Variants in LARGE1 observed in about 807,000 individuals in gnomAD.
The protein encoded by LARGE1 is LARGE xylosyl- and glucuronyltransferase 1.
Under a neutral mutation model 87.6 loss-of-function variants are expected in LARGE1, and 43 were observed. That is an observed-to-expected ratio of 0.49 (90% confidence interval 0.38 to 0.63). The LOEUF (loss-of-function observed/expected upper bound fraction) is 0.63, where lower values mean the gene tolerates loss of function less well. Among genes scored for constraint, LARGE1 ranks in the 30% least tolerant of loss-of-function variants. The pLI is 0.00. For synonymous variants in LARGE1, 434 were observed against 394.6 expected (o/e 1.10, Z -1.18); for missense variants, 802 against 1,000.2 (o/e 0.80, Z 2.67).
intron 1 of LARGE1, among the ~76,000 whole-genome samples, chr22:33,863,553 C>T (rs1411885483): frequency 1.3e-5 from 2 of 150,024 alleles, no homozygotes; most frequent in East Asian, 3.9e-4. Context: ...GTCAGGAGTT[C>T]GAGACCAGCC....
At chr22:33,197,372 T>G (rs11913737) in intron 11 of LARGE1, among the ~76,000 whole-genome samples, 4,589 of 152,096 alleles carry the variant, frequency 0.03, 95 homozygotes, top group Admixed American at 0.056. Flanking sequence ...ACAGAAAATG[T>G]GATTGTTTAT....
At chr22:33,129,883 C>T in the LARGE1 span, among the ~76,000 whole-genome samples, 1 of 152,148 alleles carries the variant, frequency 6.6e-6, no homozygotes, top group Non-Finnish European at 1.5e-5. Flanking sequence ...ACCTTTGACA[C>T]GTGGGGATTA....
chr22:33,501,613 T>C (rs953762147), intron 6 of LARGE1, among the ~76,000 whole-genome samples: 12 of 152,238 alleles, frequency 7.9e-5, no homozygotes, highest in Non-Finnish European at 1.5e-5. Context: ...CAAGTCGTTC[T>C]TAATCTCAAC....
chr22:33,573,310 G>T (rs2078259901), intron 5 of LARGE1, among the ~76,000 whole-genome samples: 1 of 151,900 alleles, frequency 6.6e-6, no homozygotes, highest in South Asian at 2.1e-4. Context: ...GTGGTGGTGT[G>T]CGCATGTAAT....
intron 1 of LARGE1, among the ~76,000 whole-genome samples, chr22:33,808,861 T>C (rs559991663): frequency 6.6e-5 from 10 of 152,164 alleles, no homozygotes; most frequent in Non-Finnish European, 1.3e-4. Context: ...GGGCACAAGC[T>C]CTTAACACTG....
chr22:33,886,698 G>A (rs1390090366), intron 1 of LARGE1, among the ~76,000 whole-genome samples: 2 of 148,960 alleles, frequency 1.3e-5, no homozygotes, highest in Non-Finnish European at 3.0e-5. Context: ...AGGGAGGGAG[G>A]GAAGGAGGGA....
intron 11 of LARGE1, among the ~76,000 whole-genome samples, chr22:33,304,856 A>T (rs963004483): frequency 6.6e-6 from 1 of 152,198 alleles, no homozygotes; most frequent in African/African-American, 2.4e-5. Flanking sequence ...AAAGGTATAA[A>T]AAAGCTCTGC....
chr22:33,295,363 C>A (rs139502559), intron 12 of LARGE1, among the ~76,000 whole-genome samples: 1 of 152,266 alleles, frequency 6.6e-6, no homozygotes, highest in African/African-American at 2.4e-5. Flanking sequence ...TGTGTACATG[C>A]GTGTGGGTGC....
intron 2 of LARGE1, among the ~76,000 whole-genome samples, chr22:33,758,554 A>G (rs1159613947): frequency 6.6e-6 from 1 of 152,198 alleles, no homozygotes; most frequent in African/African-American, 2.4e-5. Context: ...TGATAGATAC[A>G]GCACCTACAC....
chr22:33,711,715 T>C (rs1046728111), intron 2 of LARGE1, among the ~76,000 whole-genome samples: 3 of 152,228 alleles, frequency 2.0e-5, no homozygotes, highest in Non-Finnish European at 2.9e-5. Context: ...GGTGTGATCA[T>C]AGCTCACTGC....
intron 2 of LARGE1, among the ~76,000 whole-genome samples, chr22:33,744,773 A>C (rs547411946): frequency 3.3e-5 from 5 of 152,170 alleles, no homozygotes; most frequent in Non-Finnish European, 7.3e-5. Flanking sequence ...ATTGTCATAG[A>C]AAGGAGGGAG....
chr22:33,333,546 G>GC (rs1177730177), intron 10 of LARGE1, among the ~76,000 whole-genome samples: 1 of 152,132 alleles, frequency 6.6e-6, no homozygotes, highest in African/African-American at 2.4e-5. Context: ...TGAACTTCCA[G>GC]CATGTTCTCT....
At chr22:33,566,698 A>G (rs954709888) in intron 5 of LARGE1, among the ~76,000 whole-genome samples, 2 of 152,162 alleles carry the variant, frequency 1.3e-5, no homozygotes, top group Non-Finnish European at 2.9e-5. Flanking sequence ...CTCCCTGCCC[A>G]CATCCTGCTG....
rs576929347 is a variant in LARGE1, at chr22:33,337,047, T to A, written c.1287+599A>T. Among the ~76,000 whole-genome samples, 19 of 135,562 alleles carry A rather than the reference T, an allele frequency of 1.4e-4. No homozygotes were observed. In the South Asian group the frequency reaches 4.4e-3, roughly 32 times the overall value. The allele number at this position is 135,562 out of a possible 152,430, so 88.9% of individuals were successfully genotyped here. ...CTGCACTCCAGCCTGGGTGACAGAG[T>A]GAAACTCTGTCAAAAAAAAAAAAAA... On this transcript the variant is annotated intron_variant, in intron 10 of 14. Coordinates refer to ENST00000397394, the MANE Select transcript of LARGE1 (RefSeq NM_133642.5).
At chr22:33,506,163 T>C (rs947132355) in intron 6 of LARGE1, among the ~76,000 whole-genome samples, 15 of 151,982 alleles carry the variant, frequency 9.9e-5, no homozygotes, top group African/African-American at 3.6e-4. Flanking sequence ...AACCTTCCCC[T>C]CAAAGGATGC....
chr22:33,247,047 ATGTGTGTGTGTGTGTGTGTG>A (rs10532057), intron 11 of LARGE1, among the ~76,000 whole-genome samples: 2 of 146,172 alleles, frequency 1.4e-5, no homozygotes, highest in African/African-American at 5.0e-5. Flanking sequence ...TGCAGCCAGT[ATGTGTGTGTGTGTGTGTGTG>A]TGTGTGTGTG....
At chr22:33,213,206 T>TG (rs1925045798) in intron 11 of LARGE1, among the ~76,000 whole-genome samples, 1 of 152,120 alleles carries the variant, frequency 6.6e-6, no homozygotes, top group Non-Finnish European at 1.5e-5. Flanking sequence ...TGTGAAGAGA[T>TG]GGAGTTGCTG....
At chr22:33,305,844 CTT>C (rs111657762) in intron 11 of LARGE1, among the ~76,000 whole-genome samples, 12 of 136,868 alleles carry the variant, frequency 8.8e-5, no homozygotes, top group Admixed American at 7.4e-5. Context: ...TTTTCTTTTT[CTT>C]TTTTTTTTTT....
intron 6 of LARGE1, among the ~76,000 whole-genome samples, chr22:33,453,802 G>A (rs2068031114): frequency 6.6e-6 from 1 of 152,126 alleles, no homozygotes. Flanking sequence ...TCTCTCATAA[G>A]AGATTTCTAA....
Sources: gnomAD v4.1 joint callset for allele counts (sites outside exome capture counted in the v4.1 genomes callset) on GRCh38, gnomAD v4.1.1 for gene constraint, MANE v1.5 for transcripts, NCBI Gene and HGNC (gene_info 2026-07-23, HGNC 2026-07-21) for gene names.